The following THSD7A variants were observed in gnomAD, a reference collection of about 807,000 sequenced individuals.
THSD7A encodes thrombospondin type-1 domain-containing protein 7A.
THSD7A carries 96 observed loss-of-function variants against 231.3 expected under a neutral mutation model. That is an observed-to-expected ratio of 0.41 (90% CI 0.35 to 0.49). The LOEUF (loss-of-function observed/expected upper bound fraction) is 0.49. THSD7A is among the 20% of genes least tolerant of loss of function. The pLI is 0.05. For synonymous variants in THSD7A, 940 were observed against 743.3 expected (o/e 1.26, Z -4.30); for missense variants, 2,290 against 2,070.2 (o/e 1.11, Z -2.06).
At chr7:11,433,027 G>A (rs1288550350) in intron 13 of THSD7A, among the ~76,000 whole-genome samples, 1 of 151,930 alleles carries the variant, frequency 6.6e-6, no homozygotes, top group Non-Finnish European at 1.5e-5. Context: ...TGTTTGTTGT[G>A]AGACATAGAA....
In THSD7A at chr7:11,729,219, A is replaced by G. The variant is rs766781149; in HGVS notation, c.191-92258T>C. Among the ~76,000 whole-genome samples, 107 of 151,810 alleles carry G rather than the reference A, an allele frequency of 7.0e-4. 1 individual carries two copies. The highest frequency in any genetic ancestry group is 3.3e-4 in the Admixed American group (5 of 15,186). On this transcript the variant is annotated intron_variant, in intron 1 of 27. Coordinates refer to ENST00000423059, the MANE Select transcript of THSD7A (RefSeq NM_015204.3). Reference sequence around the variant, plus strand: ...TTCATTGTGGGATGCAAAAACAAACATTTATATTGTTTTAGCTTATGAAAA... The same window carrying G: ...TTCATTGTGGGATGCAAAAACAAACGTTTATATTGTTTTAGCTTATGAAAA...
chr7:11,584,751 G>T (rs1370234300), intron 4 of THSD7A, among the ~76,000 whole-genome samples: 1 of 152,092 alleles, frequency 6.6e-6, no homozygotes, highest in Non-Finnish European at 1.5e-5. Context: ...CCTTAAATTA[G>T]TGTCCAAACT....
rs1390763462 is a variant in THSD7A, at chr7:11,377,773, A to G, written c.4802-1116T>C. On this transcript the variant is annotated intron_variant, in intron 26 of 27. Coordinates refer to ENST00000423059, the MANE Select transcript of THSD7A (RefSeq NM_015204.3). The surrounding 1 kb of genome is among the most constrained non-coding windows in gnomAD (Gnocchi z 4.5). ...GTTTTTCAAAATCAAAGAATATCTAAGTTTTCAGAACATGCACCTTTTAAA... is the reference window on the plus strand; with the variant it reads ...GTTTTTCAAAATCAAAGAATATCTAGGTTTTCAGAACATGCACCTTTTAAA... 1.3e-5 allele frequency: 2 copies of G among 152,118 alleles called. No homozygotes were observed. Among genetic ancestry groups the G allele is most frequent in the African/African-American group, 4.8e-5 (2 of 41,454 alleles). The allele number at this position is 152,118 out of a possible 1,614,324, so 9.4% of individuals were successfully genotyped here. A position where few individuals can be genotyped will look rare whatever the true frequency, so the allele number is the denominator to read the frequency against.
At chr7:11,587,836 T>C (rs1007160454) in intron 4 of THSD7A, among the ~76,000 whole-genome samples, 4 of 152,200 alleles carry the variant, frequency 2.6e-5, no homozygotes, top group African/African-American at 9.6e-5. Context: ...TTTACATAAA[T>C]TTCATATCAC....
intron 13 of THSD7A, among the ~76,000 whole-genome samples, chr7:11,434,492 C>A (rs565311355): frequency 1.3e-5 from 2 of 152,198 alleles, no homozygotes; most frequent in African/African-American, 4.8e-5. Flanking sequence ...ACAACTTTCA[C>A]AATTACTAAA....
At chr7:11,646,828 G>C (rs1336256673) in intron 1 of THSD7A, among the ~76,000 whole-genome samples, 1 of 152,148 alleles carries the variant, frequency 6.6e-6, no homozygotes, top group South Asian at 2.1e-4. Context: ...TAGAACTTGA[G>C]ACAAAGGTTT....
At position 11,831,822 on chromosome 7, in the gene THSD7A, G is replaced by T; in HGVS notation, c.125C>A (p.Pro42Gln). The change falls in exon 1 of 28, where the codon CCG becomes CAG. Residue 42 changes from proline to glutamine, a missense_variant. Pro to Gln is a moderately conservative substitution (Grantham distance 76, BLOSUM62 -1). Transcript: ENST00000423059. This position sits in a 1 kb window ranked among gnomAD's most constrained non-coding sequence, Gnocchi z 5.0. ...CTGCGCCGCAGCCCTGCCGGCGCCC[G>T]GGCGTAGCAGCAGCAGCAGGAGCAG... is the stretch of plus-strand genomic sequence containing the variant. Reference protein sequence around the residue: ...LPLLLLLLLRPGAGRAAAQGE... With the variant: ...LPLLLLLLLRQGAGRAAAQGE... The T allele has an allele frequency of 6.9e-7, 1 of 1,441,682 alleles. No homozygotes were observed. Among genetic ancestry groups the T allele is most frequent in the Non-Finnish European group, 9.1e-7 (1 of 1,093,746 alleles). 89.3% of individuals were successfully genotyped at this position (1,441,682 alleles called of 1,614,324 possible). A position where few individuals can be genotyped will look rare whatever the true frequency, so the allele number is the denominator to read the frequency against.
intron 19 of THSD7A, among the ~76,000 whole-genome samples, chr7:11,410,889 A>G (rs1192099286): frequency 6.6e-6 from 1 of 152,110 alleles, no homozygotes; most frequent in Non-Finnish European, 1.5e-5. Context: ...AATTCACATC[A>G]CATTACAAAG....
intron 1 of THSD7A, among the ~76,000 whole-genome samples, chr7:11,703,163 T>C (rs1002032116): frequency 4.6e-5 from 7 of 151,266 alleles, no homozygotes; most frequent in African/African-American, 1.7e-4. Flanking sequence ...CCAGCACGTG[T>C]GTTGTTGCAC....
intron 25 of THSD7A, 56 bp downstream of exon 25, chr7:11,379,574 C>A: frequency 6.9e-7 from 1 of 1,441,972 alleles, no homozygotes; most frequent in East Asian, 2.5e-5. Context: ...GCATAAGAGA[C>A]AGTGGGGTGA....
At chr7:11,682,900 G>A (rs920636196) in intron 1 of THSD7A, among the ~76,000 whole-genome samples, 18 of 151,924 alleles carry the variant, frequency 1.2e-4, no homozygotes, top group Admixed American at 1.1e-3. Context: ...CGAGGCTGCT[G>A]GATCATGAGG....
chr7:11,710,813 T>G (rs1286472732), intron 1 of THSD7A, among the ~76,000 whole-genome samples: 2 of 150,930 alleles, frequency 1.3e-5, no homozygotes, highest in African/African-American at 4.8e-5. Flanking sequence ...TACATCAAAA[T>G]GTAAGAAGAG....
intron 1 of THSD7A, among the ~76,000 whole-genome samples, chr7:11,656,709 C>A (rs193106787): frequency 2.6e-5 from 4 of 151,930 alleles, no homozygotes; most frequent in Admixed American, 2.0e-4. Flanking sequence ...GAATTTTAAA[C>A]ATCAACATAT....
chr7:11,438,969 T>A (rs934857008), intron 13 of THSD7A, among the ~76,000 whole-genome samples: 1 of 152,196 alleles, frequency 6.6e-6, no homozygotes, highest in Admixed American at 6.5e-5. Flanking sequence ...TTCATTTATG[T>A]TCTCTTTGCA....
chr7:11,743,915 C>A (rs536086606), intron 1 of THSD7A, among the ~76,000 whole-genome samples: 2 of 151,982 alleles, frequency 1.3e-5, no homozygotes, highest in African/African-American at 4.8e-5. Flanking sequence ...GTGGGCTTTG[C>A]GCATATTGCT....
At chr7:11,674,712 G>T (rs1783564714) in intron 1 of THSD7A, among the ~76,000 whole-genome samples, 1 of 152,132 alleles carries the variant, frequency 6.6e-6, no homozygotes, top group Non-Finnish European at 1.5e-5. Flanking sequence ...GCTCTCTCAG[G>T]TGAGAAGGAA....
chr7:11,543,809 G>GT (rs60799151), intron 4 of THSD7A, among the ~76,000 whole-genome samples: 131 of 151,882 alleles, frequency 8.6e-4, no homozygotes, highest in Admixed American at 1.3e-3. Flanking sequence ...GCTTGTCCTT[G>GT]TTTTTTTGTT....
At chr7:11,760,604 T>C (rs1267727790) in intron 1 of THSD7A, among the ~76,000 whole-genome samples, 3 of 152,050 alleles carry the variant, frequency 2.0e-5, no homozygotes, top group Non-Finnish European at 4.4e-5. Flanking sequence ...ATTACAGCAA[T>C]ATAGCCTCTA....
intron 13 of THSD7A, among the ~76,000 whole-genome samples, 152 bp from the exon 14 acceptor site, chr7:11,429,277 A>C (rs1441832085): frequency 6.6e-6 from 1 of 152,314 alleles, no homozygotes; most frequent in African/African-American, 2.4e-5. Context: ...CTTGAATTAA[A>C]TTCTGCAGGG....
Sources: gnomAD v4.1 joint callset for allele counts (sites outside exome capture counted in the v4.1 genomes callset) on GRCh38, gnomAD v4.1.1 for gene constraint, Gnocchi (gnomAD v3.1) non-coding constraint, MANE v1.5 for transcripts, NCBI Gene and HGNC (gene_info 2026-07-23, HGNC 2026-07-21) for gene names.